KLF12: variants seen among roughly 807,000 people sequenced by gnomAD.
KLF12 encodes Krueppel-like factor 12.
In KLF12, 9 loss-of-function variants were observed where a neutral mutation model predicts 37.8. That is an observed-to-expected ratio of 0.24 (90% CI 0.14 to 0.42). The LOEUF is 0.42. KLF12 is among the 10% of genes least tolerant of loss of function. The pLI is 1.00. For missense variants in KLF12, 411 were observed against 516.0 expected (o/e 0.80, Z 1.97); for synonymous variants, 208 against 202.1 (o/e 1.03, Z -0.25).
At chr13:73,746,786 T>G (rs144015448) in intron 6 of KLF12, among the ~76,000 whole-genome samples, 120 of 150,662 alleles carry the variant, frequency 8.0e-4, no homozygotes, top group African/African-American at 2.8e-3. Context: ...TATTTCAGTT[T>G]AAAGCCATGC....
rs567529053 is a variant in KLF12, at chr13:73,859,038, C to T, written c.124-12665G>A. Among the ~76,000 whole-genome samples, 3 of 152,272 alleles carry T rather than the reference C, an allele frequency of 2.0e-5. No individual in the cohort carries two copies. The South Asian group carries it at 6.2e-4, about 32-fold the overall frequency. ...TGTACGGGACAAACATTTTTGCTCT[C>T]ATTAGGTGGTGGGGTAAAACCCAGA... On this transcript the variant is annotated intron_variant, in intron 3 of 7. Transcript: ENST00000377669.
At chr13:74,153,903 T>C in the KLF12 span, among the ~76,000 whole-genome samples, 1 of 152,098 alleles carries the variant, frequency 6.6e-6, no homozygotes, top group African/African-American at 2.4e-5. Context: ...TTGTTCTAGA[T>C]TGGATATGAA....
intron 4 of KLF12, among the ~76,000 whole-genome samples, chr13:73,838,493 C>T (rs536263712): frequency 2.0e-4 from 31 of 152,194 alleles, no homozygotes; most frequent in Non-Finnish European, 4.0e-4. Context: ...GCAGTATCAA[C>T]ATGTTCTACT....
chr13:73,771,622 C>T (rs9543456), intron 5 of KLF12, among the ~76,000 whole-genome samples: 83,087 of 152,144 alleles, frequency 0.55, 23,919 homozygotes, highest in Middle Eastern at 0.68. Context: ...ATCCAACAAA[C>T]TTCACTCAAC....
At chr13:73,782,056 G>T (rs1026351796) in intron 5 of KLF12, among the ~76,000 whole-genome samples, 3 of 152,160 alleles carry the variant, frequency 2.0e-5, no homozygotes, top group Non-Finnish European at 4.4e-5. Flanking sequence ...TGGTATAAAT[G>T]TATAAATCAG....
intron 1 of KLF12, among the ~76,000 whole-genome samples, chr13:74,043,057 G>A (rs150211839): frequency 9.7e-4 from 147 of 152,196 alleles, no homozygotes; most frequent in African/African-American, 2.8e-3. Flanking sequence ...AAATAAGATC[G>A]GACAGACTGA....
chr13:73,984,431 C>T (rs1222359257), intron 2 of KLF12, among the ~76,000 whole-genome samples: 1 of 152,122 alleles, frequency 6.6e-6, no homozygotes, highest in Admixed American at 6.5e-5. Context: ...GCGTCTTGCT[C>T]AGGGAAGGGT....
At chr13:73,727,121 G>GT (rs58529912) in intron 6 of KLF12, among the ~76,000 whole-genome samples, 1 of 133,428 alleles carries the variant, frequency 7.5e-6, no homozygotes, top group Admixed American at 7.3e-5. Flanking sequence ...AAACTGTTTT[G>GT]TTTTTTTATT....
chr13:73,966,202 A>G (rs1365241750), intron 2 of KLF12, among the ~76,000 whole-genome samples: 1 of 152,200 alleles, frequency 6.6e-6, no homozygotes, highest in African/African-American at 2.4e-5. Context: ...TGCCCAATAT[A>G]TAATACAAGC....
chr13:73,971,571 G>C (rs2138107436), intron 2 of KLF12, among the ~76,000 whole-genome samples: 1 of 152,242 alleles, frequency 6.6e-6, no homozygotes, highest in Admixed American at 6.5e-5. Context: ...ATACTATGGA[G>C]GCCCCTGATT....
chr13:74,107,249 G>GA (rs1393251809), intron 1 of KLF12, among the ~76,000 whole-genome samples: 5 of 152,218 alleles, frequency 3.3e-5, no homozygotes, highest in Non-Finnish European at 5.9e-5. Flanking sequence ...TCAACATAAT[G>GA]AATTTTGGTG....
At chr13:73,756,805 TGAG>T (rs1026136025) in intron 6 of KLF12, among the ~76,000 whole-genome samples, 7 of 152,124 alleles carry the variant, frequency 4.6e-5, no homozygotes, top group Non-Finnish European at 8.8e-5. Context: ...TTGTGATTAT[TGAG>T]GAGGTGACAC....
intron 3 of KLF12, among the ~76,000 whole-genome samples, chr13:73,923,569 C>T (rs1321319648): frequency 6.6e-6 from 1 of 152,160 alleles, no homozygotes; most frequent in African/African-American, 2.4e-5. Flanking sequence ...AGGGCAGTCA[C>T]TTTTTAATTG....
intron 3 of KLF12, among the ~76,000 whole-genome samples, chr13:73,932,393 T>A (rs967845812): frequency 6.6e-6 from 1 of 152,176 alleles, no homozygotes; most frequent in Non-Finnish European, 1.5e-5. Context: ...TAGTAAGACA[T>A]GAAACAGATC....
chr13:73,888,254 C>G (rs2139002006), intron 3 of KLF12, among the ~76,000 whole-genome samples: 1 of 152,184 alleles, frequency 6.6e-6, no homozygotes, highest in East Asian at 1.9e-4. Flanking sequence ...TCTGCCTGCC[C>G]TAGCCTCCCA....
intron 3 of KLF12, among the ~76,000 whole-genome samples, chr13:73,906,065 TCC>T (rs1272492228): frequency 6.6e-5 from 10 of 152,208 alleles, no homozygotes; most frequent in Non-Finnish European, 1.3e-4. Flanking sequence ...GTATCATTCA[TCC>T]AAGTCATCAA....
intron 4 of KLF12, among the ~76,000 whole-genome samples, chr13:73,816,371 A>T (rs1482128576): frequency 2.0e-5 from 3 of 152,226 alleles, no homozygotes; most frequent in Non-Finnish European, 4.4e-5. Flanking sequence ...AACACCTGAA[A>T]AAAATTTACA....
rs1426074142 is a variant in KLF12, at chr13:73,846,275, G to A, written c.222C>T (p.His74=). Reference sequence around the variant, plus strand: ...CCACTGGCTCAGTTTGTGTTTGGAAGTGATCTACAGATAACGAGTCCTCCG... The same window carrying A: ...CCACTGGCTCAGTTTGTGTTTGGAAATGATCTACAGATAACGAGTCCTCCG... The change falls in exon 4 of 8, where the codon CAC becomes CAT. Residue 74 remains histidine (H), a synonymous_variant. Transcript: ENST00000377669. 1.1e-5 allele frequency: 17 copies of A among 1,614,056 alleles called. No individual in the cohort carries two copies. Among genetic ancestry groups the A allele is most frequent in the Non-Finnish European group, 1.4e-5 (17 of 1,180,028 alleles).
chr13:73,791,686 T>C (rs780501021), intron 5 of KLF12, among the ~76,000 whole-genome samples: 5 of 152,226 alleles, frequency 3.3e-5, no homozygotes, highest in Non-Finnish European at 4.4e-5. Context: ...TGGTTGTTAC[T>C]TTTTCAATTA....
Sources: gnomAD v4.1 joint callset for allele counts (sites outside exome capture counted in the v4.1 genomes callset) on GRCh38, gnomAD v4.1.1 for gene constraint, MANE v1.5 for transcripts, NCBI Gene and HGNC (gene_info 2026-07-23, HGNC 2026-07-21) for gene names.